The following ATP10B variants were observed in gnomAD, a reference collection of about 807,000 sequenced individuals.
The protein encoded by ATP10B is ATPase phospholipid transporting 10B (putative), also known as phospholipid-transporting ATPase VB.
ATP10B carries 122 observed loss-of-function variants against 141.2 expected under a neutral mutation model. That is an observed-to-expected ratio of 0.86 (90% CI 0.75 to 1.00). The LOEUF (loss-of-function observed/expected upper bound fraction) is 1.00, where lower values mean the gene tolerates loss of function less well. Ranked by LOEUF, ATP10B falls within the 50% of genes least tolerant of loss-of-function variation. ATP10B has a pLI of 0.00. For synonymous variants in ATP10B, 685 were observed against 692.0 expected (o/e 0.99, Z 0.16); for missense variants, 1,876 against 1,825.3 (o/e 1.03, Z -0.51).
intron 7 of ATP10B, among the ~76,000 whole-genome samples, chr5:160,666,684 T>C (rs1425240564): frequency 1.3e-5 from 2 of 152,226 alleles, no homozygotes; most frequent in Non-Finnish European, 2.9e-5. Flanking sequence ...AAGCGAGTTC[T>C]ATCCATACTC....
chr5:160,687,788 G>A lies in ATP10B; in HGVS notation c.275+12C>T, dbSNP rs955623658. ...TCTAAAAAGAGTATTGTTCAGACAA[G>A]TGGATCTCTACCTATGAAATTGCTC... On this transcript the variant is annotated intron_variant, in intron 5 of 25. Transcript: ENST00000327245. 2.5e-6 allele frequency: 4 copies of A among 1,610,906 alleles called. No homozygotes were observed. Among genetic ancestry groups the A allele is most frequent in the African/African-American group, 1.3e-5 (1 of 74,836 alleles).
intron 2 of ATP10B, among the ~76,000 whole-genome samples, chr5:160,780,791 C>A (rs939236686): frequency 1.5e-4 from 23 of 152,316 alleles, no homozygotes; most frequent in African/African-American, 5.3e-4. Flanking sequence ...GATTTTACTG[C>A]ACTACATTCT....
intron 7 of ATP10B, among the ~76,000 whole-genome samples, chr5:160,658,890 T>A (rs1402164734): frequency 1.3e-5 from 2 of 152,214 alleles, no homozygotes; most frequent in Non-Finnish European, 2.9e-5. Context: ...ATAAATTTAA[T>A]TTTTTGTCCA....
At chr5:160,646,640 T>C (rs908381565) in intron 8 of ATP10B, among the ~76,000 whole-genome samples, 28 of 152,306 alleles carry the variant, frequency 1.8e-4, no homozygotes, top group African/African-American at 6.3e-4. Flanking sequence ...TGGCTGTGGA[T>C]TTAATACTGG....
At chr5:160,892,559 AACT>A in the ATP10B span, among the ~76,000 whole-genome samples, 1 of 152,200 alleles carries the variant, frequency 6.6e-6, no homozygotes, top group South Asian at 2.1e-4. Context: ...CTAAACTATG[AACT>A]ACATTAAGCA....
rs552913922 is a variant in ATP10B at position 160,647,174 on chromosome 5, T to G, written c.761+1997A>C. 7.0e-3 allele frequency among the ~76,000 whole-genome samples: 1,073 copies of G among 152,302 alleles called. 18 individuals are homozygous for G. The highest frequency in any genetic ancestry group is 0.023 in the African/African-American group (964 of 41,560). Reference sequence around the variant, plus strand: ...CAAACAGATCATTGAAAGCTGTTGATCTTCTAGCCAGCCTGTGCAGCCTCA... The same window carrying G: ...CAAACAGATCATTGAAAGCTGTTGAGCTTCTAGCCAGCCTGTGCAGCCTCA... On this transcript the variant is annotated intron_variant, in intron 8 of 25. Transcript: ENST00000327245.
chr5:160,686,354 G>A, intron 5 of ATP10B, 81 bp from the exon 6 acceptor site: 1 of 1,127,422 alleles, frequency 8.9e-7, no homozygotes, highest in Non-Finnish European at 1.2e-6. Context: ...CTACTGTTTG[G>A]CCTTGATCAA....
chr5:160,756,467 T>C (rs2127832015), intron 2 of ATP10B, among the ~76,000 whole-genome samples: 1 of 152,318 alleles, frequency 6.6e-6, no homozygotes, highest in South Asian at 2.1e-4. Context: ...ACAAAGTGAT[T>C]TCACCATTTT....
chr5:160,565,121 G>A lies in ATP10B; in HGVS notation c.*332C>T. 3.7e-6 allele frequency: 1 copy of A among 268,764 alleles called. No homozygotes were observed. Among genetic ancestry groups the A allele is most frequent in the Non-Finnish European group, 7.0e-6 (1 of 142,262 alleles). The allele number at this position is 268,764 out of a possible 1,614,324, so 16.6% of individuals were successfully genotyped here. The stretch of plus-strand genomic sequence containing the variant: ...ACTTCTTGAATCTTGGAAACTTACG[G>A]CACTGGGTTGTAGGCTACGCTTATC... On this transcript the variant is annotated 3_prime_UTR_variant, in exon 26 of 26. Coordinates refer to ENST00000327245, the MANE Select transcript of ATP10B (RefSeq NM_025153.3).
At chr5:160,670,780 A>C in intron 6 of ATP10B, 113 bp from the exon 7 acceptor site, 1 of 911,714 alleles carries the variant, frequency 1.1e-6, no homozygotes, top group Non-Finnish European at 1.7e-6. Context: ...TCAGCCTGTC[A>C]TGAGATTGCC....
intron 24 of ATP10B, among the ~76,000 whole-genome samples, chr5:160,570,112 T>C (rs996321482): frequency 6.6e-6 from 1 of 152,122 alleles, no homozygotes; most frequent in Admixed American, 6.6e-5. Context: ...CAGTATTCTG[T>C]TTTTTGATCG....
At chr5:160,760,681 A>G (rs72818586) in intron 2 of ATP10B, among the ~76,000 whole-genome samples, 48,008 of 152,118 alleles carry the variant, frequency 0.32, 7,925 homozygotes, top group Non-Finnish European at 0.36. Context: ...TATTGGTGGA[A>G]CACAGCTGGA....
At chr5:160,742,716 G>A (rs569525907) in intron 2 of ATP10B, among the ~76,000 whole-genome samples, 3 of 152,168 alleles carry the variant, frequency 2.0e-5, no homozygotes, top group South Asian at 2.1e-4. Context: ...AGGTGCACAA[G>A]GAAAGAAAAG....
chr5:160,620,447 T>C lies in ATP10B; in HGVS notation c.2316A>G (p.Arg772=), dbSNP rs776363669. 7 of 1,614,072 alleles carry C rather than the reference T, an allele frequency of 4.3e-6. No individual in the cohort carries two copies. The Admixed American group carries it at 1.2e-4, about 27-fold the overall frequency. ...CTLGFDSVRK[R]MSVVVRHPLT... Reference sequence around the variant, plus strand: ...GTGGGTGCCTCACAACCACAGACATTCTCTTCCTGACAGAGTCAAAGCCCA... The same window carrying C: ...GTGGGTGCCTCACAACCACAGACATCCTCTTCCTGACAGAGTCAAAGCCCA... The change falls in exon 15 of 26, where the codon AGA becomes AGG. Residue 772 remains arginine (R), a synonymous_variant. Coordinates refer to ENST00000327245, the MANE Select transcript of ATP10B (RefSeq NM_025153.3).
intron 1 of ATP10B, among the ~76,000 whole-genome samples, chr5:160,817,092 C>A (rs1445590843): frequency 1.3e-5 from 2 of 152,150 alleles, no homozygotes; most frequent in South Asian, 4.1e-4. Context: ...AAAACTGGCA[C>A]AAGACAGGGA....
chr5:160,645,790 C>G (rs1760237509), intron 8 of ATP10B, among the ~76,000 whole-genome samples: 1 of 152,188 alleles, frequency 6.6e-6, no homozygotes, highest in South Asian at 2.1e-4. Flanking sequence ...TTCAATACTT[C>G]TTATCGCTAA....
chr5:160,737,270 A>G (rs997671771), intron 2 of ATP10B, among the ~76,000 whole-genome samples: 2 of 152,210 alleles, frequency 1.3e-5, no homozygotes. Context: ...AATAAAAGCC[A>G]TATATGACAG....
intron 24 of ATP10B, among the ~76,000 whole-genome samples, chr5:160,574,801 C>CTTTTTTTTTT (rs35450287): frequency 1.4e-5 from 2 of 140,932 alleles, no homozygotes; most frequent in African/African-American, 5.3e-5. Context: ...CAGCATTCAT[C>CTTTTTTTTTT]TTTTTTTTTT....
At chr5:160,690,667 A>T (rs145239072) in intron 3 of ATP10B, among the ~76,000 whole-genome samples, 3,021 of 152,240 alleles carry the variant, frequency 0.02, 107 homozygotes, top group African/African-American at 0.068. Context: ...TACCATCTCA[A>T]GCCAGTTAGA....
Sources: allele counts gnomAD v4.1 joint callset (sites outside exome capture counted in the v4.1 genomes callset), GRCh38; gene constraint gnomAD v4.1.1; transcripts MANE v1.5; gene names NCBI Gene and HGNC (gene_info 2026-07-23, HGNC 2026-07-21).